The following NCOA7 variants were observed in gnomAD, a reference collection of about 807,000 sequenced individuals.
The protein encoded by NCOA7 is nuclear receptor coactivator 7.
Under a neutral mutation model 104.3 loss-of-function variants are expected in NCOA7, and 45 were observed. The ratio of observed to expected loss-of-function variants is 0.43; its 90% confidence interval spans 0.34 to 0.55. The LOEUF (loss-of-function observed/expected upper bound fraction) is 0.55, where lower values mean the gene tolerates loss of function less well. NCOA7 is among the 20% of genes least tolerant of loss of function. The pLI is 0.02. For missense variants in NCOA7, 1,041 were observed against 1,119.7 expected (o/e 0.93, Z 1.00); for synonymous variants, 398 against 402.3 (o/e 0.99, Z 0.13).
At chr6:125,844,534 TCCCTTTGCCTTTAAGTTTGA>T (rs1362580266) in intron 2 of NCOA7, among the ~76,000 whole-genome samples, 1 of 152,204 alleles carries the variant, frequency 6.6e-6, no homozygotes, top group Non-Finnish European at 1.5e-5. Context: ...ACTGTTTTTC[TCCCTTTGCCTTTAAGTTTGA>T]CTTAATTTGG....
intron 3 of NCOA7, among the ~76,000 whole-genome samples, chr6:125,869,692 A>G (rs1036403065): frequency 6.6e-6 from 1 of 152,202 alleles, no homozygotes. Flanking sequence ...GGGTGAAAGC[A>G]GGGCCTTGGC....
intron 1 of NCOA7, among the ~76,000 whole-genome samples, chr6:125,784,289 C>A (rs1257955434): frequency 6.6e-6 from 1 of 152,176 alleles, no homozygotes; most frequent in Non-Finnish European, 1.5e-5. Context: ...GGACACCACA[C>A]TGAACAAAAC....
intron 1 of NCOA7, among the ~76,000 whole-genome samples, chr6:125,805,820 A>AT (rs1184146469): frequency 1.3e-5 from 2 of 152,160 alleles, no homozygotes; most frequent in African/African-American, 4.8e-5. Flanking sequence ...TGAAAATGGT[A>AT]TTTCATGAAC....
At chr6:125,826,351 C>T (rs890581707) in intron 2 of NCOA7, among the ~76,000 whole-genome samples, 2 of 149,756 alleles carry the variant, frequency 1.3e-5, no homozygotes, top group East Asian at 1.9e-4. Context: ...AAAAAAAAAG[C>T]GCATTATTTT....
At chr6:125,862,017 A>G (rs1782096145) in intron 3 of NCOA7, among the ~76,000 whole-genome samples, 2 of 118,320 alleles carry the variant, frequency 1.7e-5, no homozygotes, top group South Asian at 5.1e-4. Flanking sequence ...AGCCTGGGCA[A>G]CAAGAGTGAA....
At chr6:125,894,274 T>C (rs967801387) in intron 10 of NCOA7, among the ~76,000 whole-genome samples, 10 of 152,110 alleles carry the variant, frequency 6.6e-5, no homozygotes, top group African/African-American at 2.2e-4. Context: ...CTCCAGACAT[T>C]GCCAAAATGT....
At chr6:125,872,087 C>CT (rs1054767716) in intron 3 of NCOA7, among the ~76,000 whole-genome samples, 4 of 150,980 alleles carry the variant, frequency 2.6e-5, no homozygotes, top group African/African-American at 9.7e-5. Flanking sequence ...ATCTTAGACT[C>CT]TGAAGGGAAG....
At chr6:125,820,139 T>G (rs778311304) in intron 2 of NCOA7, among the ~76,000 whole-genome samples, 11 of 152,116 alleles carry the variant, frequency 7.2e-5, no homozygotes, top group Non-Finnish European at 1.5e-4. Flanking sequence ...ACCCAGCCTT[T>G]CAGAGCAGCA....
intron 3 of NCOA7, among the ~76,000 whole-genome samples, chr6:125,867,872 T>A (rs1051123691): frequency 6.6e-6 from 1 of 152,162 alleles, no homozygotes; most frequent in African/African-American, 2.4e-5. Flanking sequence ...TTCCCTCTGC[T>A]CACCTGGAAT....
At chr6:125,847,789 C>A (rs1053143365) in intron 2 of NCOA7, among the ~76,000 whole-genome samples, 5 of 152,164 alleles carry the variant, frequency 3.3e-5, no homozygotes, top group African/African-American at 9.6e-5. Flanking sequence ...GCAACAAAAG[C>A]CAAAATTGAC....
At position 125,795,924 on chromosome 6, in the gene NCOA7, AC is replaced by A. The variant is rs552117175; in HGVS notation, c.-65+4862del. Among the ~76,000 whole-genome samples the A allele has an allele frequency of 3.3e-3, 496 of 152,246 alleles. 2 individuals carry two copies. The highest frequency in any genetic ancestry group is 6.8e-3 in the Middle Eastern group (2 of 294). ...TTTGCCAACATATCCTTGTTTGTGG[AC>A]CCCCAAGTTAAACATTTGTGTTTTA... On this transcript the variant is annotated intron_variant, in intron 1 of 15. Transcript: ENST00000392477.
chr6:125,789,999 C>A (rs1483550731), upstream of NCOA7, among the ~76,000 whole-genome samples: 1 of 152,232 alleles, frequency 6.6e-6, no homozygotes, highest in African/African-American at 2.4e-5. Context: ...GGATGGGGAG[C>A]TCACAGGCAC....
chr6:125,814,424 G>A (rs113954082), intron 1 of NCOA7, among the ~76,000 whole-genome samples: 1,555 of 152,284 alleles, frequency 0.01, 23 homozygotes, highest in African/African-American at 0.035. Context: ...CCAAAGTGCT[G>A]GGATTACAGG....
intron 1 of NCOA7, among the ~76,000 whole-genome samples, chr6:125,805,626 C>T (rs1776376960): frequency 6.6e-6 from 1 of 152,174 alleles, no homozygotes; most frequent in South Asian, 2.1e-4. Context: ...GATTAACTCC[C>T]TCATGCAGTC....
At chr6:125,827,672 G>A (rs1044375325) in intron 2 of NCOA7, among the ~76,000 whole-genome samples, 3 of 152,142 alleles carry the variant, frequency 2.0e-5, no homozygotes, top group Non-Finnish European at 2.9e-5. Flanking sequence ...TTTAGGAGAA[G>A]GGCTAGGGAG....
At chr6:125,875,522 T>A (rs1783292361) in intron 4 of NCOA7, 2 of 152,342 alleles carry the variant, frequency 1.3e-5, no homozygotes, top group South Asian at 4.1e-4. Flanking sequence ...CCATGCTTGG[T>A]CGTCTTTCAA....
chr6:125,849,125 C>T (rs1486161386), intron 2 of NCOA7, among the ~76,000 whole-genome samples: 2 of 152,144 alleles, frequency 1.3e-5, no homozygotes, highest in African/African-American at 4.8e-5. Flanking sequence ...TGCCAGTGCC[C>T]CAAACTCATT....
chr6:125,895,135 C>T (rs2128664827), intron 10 of NCOA7, among the ~76,000 whole-genome samples: 1 of 152,136 alleles, frequency 6.6e-6, no homozygotes, highest in South Asian at 2.1e-4. Context: ...AAACTTTTCT[C>T]TTTTTTCCAA....
At position 125,889,370 on chromosome 6, in the gene NCOA7, G is replaced by A; in HGVS notation, c.1316G>A (p.Cys439Tyr). 1 of 1,614,000 alleles carries A rather than the reference G, an allele frequency of 6.2e-7. No homozygotes were observed. The change falls in exon 9 of 16, where the codon TGC (cysteine) becomes TAC (tyrosine). Residue 439 changes from cysteine (C) to tyrosine (Y), a missense_variant. By Grantham distance (194) the Cys-to-Tyr change is radical. Around this residue, in one of 2 missense-constraint regions of NCOA7, gnomAD observed 914 missense variants for 942.7 expected, o/e 0.97. Coordinates refer to ENST00000392477, the MANE Select transcript of NCOA7 (RefSeq NM_181782.5). ...GMHKKDTLKE[C>Y]LSLDPEERKK... ...CACAAAAAAGACACCTTGAAGGAGT[G>A]CCTTTCTCTTGACCCAGAGGAACGA...
Sources: allele counts gnomAD v4.1 joint callset (sites outside exome capture counted in the v4.1 genomes callset), GRCh38; gene constraint gnomAD v4.1.1; regional missense constraint gnomAD v4.1.1; transcripts MANE v1.5; gene names NCBI Gene and HGNC (gene_info 2026-07-23, HGNC 2026-07-21).